The following FRY variants were observed in gnomAD, a reference collection of about 807,000 sequenced individuals.
FRY encodes the protein FRY microtubule binding protein.
FRY carries 128 observed loss-of-function variants against 348.4 expected under a neutral mutation model. The ratio of observed to expected loss-of-function variants is 0.37; its 90% CI spans 0.32 to 0.43. The LOEUF is 0.43. Ranked by LOEUF, FRY falls within the 20% of genes least tolerant of loss-of-function variation. FRY has a pLI of 1.00. For synonymous variants in FRY, 1,370 were observed against 1,374.7 expected (o/e 1.00, Z 0.08); for missense variants, 2,736 against 3,695.2 (o/e 0.74, Z 6.73).
At chr13:32,271,638 G>C (rs1011767520) in intron 55 of FRY, among the ~76,000 whole-genome samples, 8 of 152,240 alleles carry the variant, frequency 5.3e-5, no homozygotes, top group Admixed American at 3.3e-4. Context: ...GATTGCAGGA[G>C]AGAGACCTAA....
chr13:32,243,982 G>T, intron 46 of FRY, 60 bp from the exon 47 acceptor site: 1 of 1,580,124 alleles, frequency 6.3e-7, no homozygotes, highest in South Asian at 1.1e-5. Flanking sequence ...TGGAAAACAC[G>T]GGTCCTTCCA....
Position 32,058,732 on chromosome 13 carries a change from C to T in FRY, c.71-20102C>T, listed in dbSNP as rs79325248. On this transcript the variant is annotated intron_variant, in intron 1 of 60. Coordinates refer to ENST00000542859, the MANE Select transcript of FRY (RefSeq NM_023037.3). ...GTGAGGTGGAGGGCACCAAAGGTGA[C>T]TGCACTCTGGAATTCAGCTATATTT... Among the ~76,000 whole-genome samples the T allele has an allele frequency of 3.5e-3, 540 of 152,260 alleles. 1 individual carries two copies. The highest frequency in any genetic ancestry group is 0.012 in the African/African-American group (500 of 41,550).
chr13:32,168,877 C>CT (rs1448333291), intron 17 of FRY, among the ~76,000 whole-genome samples: 2 of 152,200 alleles, frequency 1.3e-5, no homozygotes, highest in African/African-American at 4.8e-5. Flanking sequence ...TTTTGAAATA[C>CT]TATCTGAGAG....
At position 32,273,382 on chromosome 13, in the gene FRY, C is replaced by T. The variant is rs542853569; in HGVS notation, c.8137-1460C>T. ...GGACTACAGGCGCCCACCACCTCGCCCGGCTAATTTTTTGTATTTTTAGTA... is the reference window on the plus strand; with the variant it reads ...GGACTACAGGCGCCCACCACCTCGCTCGGCTAATTTTTTGTATTTTTAGTA... On this transcript the variant is annotated intron_variant, in intron 55 of 60. Transcript: ENST00000542859. Among the ~76,000 whole-genome samples the T allele has an allele frequency of 8.5e-5, 13 of 152,100 alleles. No homozygotes were observed. In the South Asian group the frequency reaches 2.7e-3, roughly 32 times the overall value.
At chr13:32,080,538 C>T (rs774637438) in intron 2 of FRY, among the ~76,000 whole-genome samples, 3 of 152,222 alleles carry the variant, frequency 2.0e-5, no homozygotes, top group African/African-American at 2.4e-5. Context: ...AGTCTTTGCA[C>T]GGTCCTCTTC....
chr13:32,240,429 G>T lies in FRY; in HGVS notation c.6687+548G>T, dbSNP rs145996914. On this transcript the variant is annotated intron_variant, in intron 46 of 60. Transcript: ENST00000542859. Reference sequence around the variant, plus strand: ...ACCTTGTGGCTTGATATGTTTAATGGTTGTTTGATCTAATTATCAAAGCAT... The same window carrying T: ...ACCTTGTGGCTTGATATGTTTAATGTTTGTTTGATCTAATTATCAAAGCAT... 9.3e-3 allele frequency among the ~76,000 whole-genome samples: 1,414 copies of T among 152,258 alleles called. 11 individuals carry two copies. The highest frequency in any genetic ancestry group is 0.015 in the Non-Finnish European group (992 of 68,010).
chr13:32,138,338 G>C (rs765297733), intron 11 of FRY, among the ~76,000 whole-genome samples: 1 of 151,958 alleles, frequency 6.6e-6, no homozygotes. Context: ...GCAGTTTTCT[G>C]TATATTCTAT....
At chr13:32,224,523 C>T in intron 37 of FRY, 138 bp downstream of exon 37, 1 of 762,598 alleles carries the variant, frequency 1.3e-6, no homozygotes, top group Non-Finnish European at 2.1e-6. Context: ...ATTTGACTGT[C>T]AGCTTCCAGC....
At chr13:32,121,598 T>G (rs61602973) in intron 4 of FRY, among the ~76,000 whole-genome samples, 12,393 of 152,254 alleles carry the variant, frequency 0.081, 551 homozygotes, top group African/African-American at 0.13. Flanking sequence ...AATTGTCTAC[T>G]CATGACCTTA....
At chr13:32,100,699 A>T (rs989046646) in intron 2 of FRY, among the ~76,000 whole-genome samples, 1 of 152,206 alleles carries the variant, frequency 6.6e-6, no homozygotes, top group African/African-American at 2.4e-5. Context: ...ATAACAAATT[A>T]CTATAAAATA....
intron 18 of FRY, among the ~76,000 whole-genome samples, chr13:32,172,283 G>A (rs1279531571): frequency 6.6e-6 from 1 of 152,060 alleles, no homozygotes; most frequent in African/African-American, 2.4e-5. Context: ...GGATGTAGAT[G>A]TGGATATGGA....
chr13:32,209,245 C>T (rs1593743893), intron 32 of FRY, 136 bp downstream of exon 32: 2 of 1,010,604 alleles, frequency 2.0e-6, no homozygotes, highest in South Asian at 2.7e-5. Flanking sequence ...GATGGTTGCA[C>T]AGAAATATGA....
intron 1 of FRY, among the ~76,000 whole-genome samples, chr13:32,047,100 AAT>A (rs1873061102): frequency 6.6e-6 from 1 of 152,216 alleles, no homozygotes; most frequent in African/African-American, 2.4e-5. Flanking sequence ...TCTTTAAATA[AAT>A]ATGTTTATCT....
At chr13:32,223,601 C>T (rs143972140) in intron 36 of FRY, among the ~76,000 whole-genome samples, 81 of 152,194 alleles carry the variant, frequency 5.3e-4, no homozygotes, top group African/African-American at 1.7e-3. Flanking sequence ...CATGTTGAGA[C>T]CCCATCTATT....
At chr13:32,042,725 A>C (rs1428847083) in intron 1 of FRY, among the ~76,000 whole-genome samples, 5 of 152,246 alleles carry the variant, frequency 3.3e-5, no homozygotes, top group Admixed American at 3.3e-4. Context: ...TAAAGGTCTC[A>C]GCAAACTTCC....
rs1393047373 is a variant in FRY, at chr13:32,274,886, T to C, written c.8181T>C (p.Ser2727=). The change falls in exon 56 of 61, where the codon AGT becomes AGC. Residue 2727 remains serine (S), a synonymous_variant. Transcript: ENST00000542859. ...GCTTCCTAACCTGTGATGCAGCCAG[T>C]TACCTTGGAGATAACCTCCGGGGAA... ...RFCFLTCDAA[S]YLGDNLRGIG... 1 of 1,613,462 alleles carries C rather than the reference T, an allele frequency of 6.2e-7. No homozygotes were observed. The highest frequency in any genetic ancestry group is 1.3e-5 in the African/African-American group (1 of 74,988).
chr13:32,295,219 A>G lies in FRY; in HGVS notation c.8801A>G (p.Asp2934Gly). The G allele has an allele frequency of 6.2e-7, 1 of 1,613,968 alleles. No homozygotes were observed. Among genetic ancestry groups the G allele is most frequent in the Middle Eastern group, 1.6e-4 (1 of 6,062 alleles). ...IRECRSLWPN[D>G]IFGSSSDDEV... ...GACTGCAGAAGTCTGTGGCCCAATGACATCTTTGGAAGCAGTTCTGATGAT... is the reference window on the plus strand; with the variant it reads ...GACTGCAGAAGTCTGTGGCCCAATGGCATCTTTGGAAGCAGTTCTGATGAT... The change falls in exon 61 of 61, where the codon GAC becomes GGC. Residue 2934 changes from aspartate to glycine, a missense_variant. Physicochemically the swap from Asp to Gly is moderately conservative, Grantham distance 94. Coordinates refer to ENST00000542859, the MANE Select transcript of FRY (RefSeq NM_023037.3).
chr13:32,147,439 T>C, intron 12 of FRY, 54 bp downstream of exon 12: 1 of 978,506 alleles, frequency 1.0e-6, no homozygotes, highest in Non-Finnish European at 1.6e-6. Flanking sequence ...CTGCAGAGGG[T>C]GTTTCTTTTA....
At chr13:32,188,985 T>C (rs1475291211) in intron 28 of FRY, among the ~76,000 whole-genome samples, 1 of 152,226 alleles carries the variant, frequency 6.6e-6, no homozygotes, top group East Asian at 1.9e-4. Context: ...TCAGTCCTCT[T>C]TAATTAGGGC....
Sources: gnomAD v4.1 joint callset for allele counts (sites outside exome capture counted in the v4.1 genomes callset) on GRCh38, gnomAD v4.1.1 for gene constraint, MANE v1.5 for transcripts, NCBI Gene and HGNC (gene_info 2026-07-23, HGNC 2026-07-21) for gene names.